Variants in FAT3 observed in about 807,000 individuals in gnomAD.
FAT3 encodes the protein FAT atypical cadherin 3, also known as protocadherin Fat 3.
Under a neutral mutation model 310.2 loss-of-function variants are expected in FAT3, and 95 were observed. The ratio of observed to expected loss-of-function variants is 0.31; its 90% CI spans 0.26 to 0.36. The LOEUF (loss-of-function observed/expected upper bound fraction) is 0.36, where lower values mean the gene tolerates loss of function less well. Among genes scored for constraint, FAT3 ranks in the 10% least tolerant of loss-of-function variants. The pLI, the probability that FAT3 is intolerant of heterozygous loss-of-function variation, is 1.00. For missense variants in FAT3, 5,408 were observed against 5,715.6 expected (o/e 0.95, Z 1.74); for synonymous variants, 2,314 against 2,192.9 (o/e 1.06, Z -1.54).
At chr11:92,698,898 G>A (rs77303726) in intron 4 of FAT3, among the ~76,000 whole-genome samples, 5,607 of 152,252 alleles carry the variant, frequency 0.037, 239 homozygotes, top group East Asian at 0.21. Flanking sequence ...CAGGAAGGGT[G>A]TCTCATTATC....
intron 1 of FAT3, among the ~76,000 whole-genome samples, chr11:92,344,110 A>G (rs1457580791): frequency 6.6e-6 from 1 of 152,190 alleles, no homozygotes; most frequent in African/African-American, 2.4e-5. Flanking sequence ...ACTATGCACC[A>G]TGGAACTTCA....
intron 1 of FAT3, among the ~76,000 whole-genome samples, chr11:92,235,323 C>T (rs748612598): frequency 6.6e-6 from 1 of 152,134 alleles, no homozygotes; most frequent in Non-Finnish European, 1.5e-5. Context: ...AGCTCCATGC[C>T]GTCCTGAAGG....
In FAT3 at chr11:92,882,890, C is replaced by G. The variant is rs2136410224; in HGVS notation, c.12434C>G (p.Ala4145Gly). 6.2e-7 allele frequency: 1 copy of G among 1,612,600 alleles called. No homozygotes were observed. Among genetic ancestry groups the G allele is most frequent in the South Asian group, 1.1e-5 (1 of 90,650 alleles). Residue 4145 changes from alanine (A) to glycine (G), a missense_variant, in exon 24 of 28, where the codon GCT (alanine) becomes GGT (glycine). Physicochemically the swap from Ala to Gly is moderately conservative, Grantham distance 60. This residue lies in a region of FAT3 where 649 missense variants were observed against 666.2 expected (regional missense o/e 0.97). Coordinates refer to ENST00000525166, the MANE Select transcript of FAT3 (RefSeq NM_001367949.2). ...LRPVVVPNIQ[A>G]GHSYVGKEEL... Reference sequence around the variant, plus strand: ...CCCGTGGTGGTACCCAATATCCAGGCTGGCCACTCCTACGTGGGGAAGGAG... The same window carrying G: ...CCCGTGGTGGTACCCAATATCCAGGGTGGCCACTCCTACGTGGGGAAGGAG...
chr11:92,357,305 CAT>C (rs1948759456), intron 2 of FAT3, among the ~76,000 whole-genome samples: 1 of 152,166 alleles, frequency 6.6e-6, no homozygotes, highest in African/African-American at 2.4e-5. Context: ...TCAGAGAAGA[CAT>C]AGAATGTGGA....
At chr11:92,732,733 A>T (rs148574474) in intron 4 of FAT3, among the ~76,000 whole-genome samples, 167 of 152,364 alleles carry the variant, frequency 1.1e-3, no homozygotes, top group Middle Eastern at 3.4e-3. Context: ...AAGAAATAAC[A>T]TGTTAATTAT....
chr11:92,702,573 A>G lies in FAT3; in HGVS notation c.3669+5128A>G, dbSNP rs987126322. On this transcript the variant is annotated intron_variant, in intron 4 of 27. Transcript: ENST00000525166. ...ATTGCTTGCCCTTTCCCTCTTTTCC[A>G]TCTACTTCCTCCTCCCCTTGTCCTC... 3.9e-5 allele frequency among the ~76,000 whole-genome samples: 6 copies of G among 152,096 alleles called. No individual in the cohort carries two copies. The South Asian group carries it at 6.2e-4, about 16-fold the overall frequency.
intron 3 of FAT3, among the ~76,000 whole-genome samples, chr11:92,595,084 C>T (rs1939636997): frequency 6.6e-6 from 1 of 151,578 alleles, no homozygotes; most frequent in Non-Finnish European, 1.5e-5. Context: ...CCACACAAAC[C>T]ATGTGCATGC....
At chr11:92,427,158 C>T (rs1209142157) in intron 2 of FAT3, among the ~76,000 whole-genome samples, 2 of 152,094 alleles carry the variant, frequency 1.3e-5, no homozygotes, top group African/African-American at 2.4e-5. Flanking sequence ...GGAGTTCACT[C>T]ATGATTTGGC....
At chr11:92,653,896 C>T (rs934797697) in intron 3 of FAT3, among the ~76,000 whole-genome samples, 4 of 152,326 alleles carry the variant, frequency 2.6e-5, no homozygotes, top group Non-Finnish European at 5.9e-5. Flanking sequence ...CATTTCTACA[C>T]ACATTACCTG....
chr11:92,632,516 G>A (rs1454458027), intron 3 of FAT3, among the ~76,000 whole-genome samples: 2 of 152,204 alleles, frequency 1.3e-5, no homozygotes, highest in Non-Finnish European at 2.9e-5. Context: ...AAAAGCATTT[G>A]TTGAACTCGA....
At chr11:92,458,909 G>A (rs569602432) in intron 2 of FAT3, among the ~76,000 whole-genome samples, 1 of 152,268 alleles carries the variant, frequency 6.6e-6, no homozygotes, top group African/African-American at 2.4e-5. Context: ...CATTGTACAT[G>A]CCTTCCAGGG....
At chr11:92,735,800 T>C (rs1191246038) in intron 4 of FAT3, among the ~76,000 whole-genome samples, 2 of 151,862 alleles carry the variant, frequency 1.3e-5, no homozygotes, top group Admixed American at 6.6e-5. Context: ...TATGTTTGTA[T>C]ATCCAGTGCT....
At chr11:92,606,419 G>T (rs778197602) in intron 3 of FAT3, among the ~76,000 whole-genome samples, 2 of 152,120 alleles carry the variant, frequency 1.3e-5, no homozygotes, top group Non-Finnish European at 2.9e-5. Flanking sequence ...TAGGGAGCTG[G>T]CACCCTTTAG....
At chr11:92,708,069 T>C (rs1944411111) in intron 4 of FAT3, among the ~76,000 whole-genome samples, 1 of 152,242 alleles carries the variant, frequency 6.6e-6, no homozygotes, top group Non-Finnish European at 1.5e-5. Context: ...GTGGCAATAC[T>C]GGTTTACTGA....
intron 3 of FAT3, among the ~76,000 whole-genome samples, chr11:92,574,555 A>C (rs935646865): frequency 6.6e-6 from 1 of 152,154 alleles, no homozygotes; most frequent in Non-Finnish European, 1.5e-5. Flanking sequence ...ACCAGTCCCC[A>C]TAACAGGGGG....
chr11:92,613,936 G>A (rs910419711), intron 3 of FAT3, among the ~76,000 whole-genome samples: 2 of 151,984 alleles, frequency 1.3e-5, no homozygotes, highest in African/African-American at 4.8e-5. Flanking sequence ...GCAACCATAT[G>A]TCTATTTTCT....
chr11:92,797,681 G>A (rs1947211144), intron 9 of FAT3, among the ~76,000 whole-genome samples, 155 bp from the exon 10 acceptor site: 1 of 152,168 alleles, frequency 6.6e-6, no homozygotes, highest in Admixed American at 6.5e-5. Flanking sequence ...CCCTGAAAGA[G>A]AAGCCTCTCA....
chr11:92,790,195 G>T lies in FAT3; in HGVS notation c.4588G>T (p.Asp1530Tyr), dbSNP rs754301436. 3 of 1,613,610 alleles carry T rather than the reference G, an allele frequency of 1.9e-6. No homozygotes were observed. The South Asian group carries it at 3.3e-5, about 18-fold the overall frequency. The change falls in exon 8 of 28, where the codon GAC (aspartate) becomes TAC (tyrosine). Residue 1530 changes from aspartate to tyrosine, a missense_variant. Asp to Tyr is a radical substitution (Grantham distance 160, BLOSUM62 -3). Around this residue, in one of 5 missense-constraint regions of FAT3, gnomAD observed 4,588 missense variants for 4,809.8 expected, o/e 0.95. Transcript: ENST00000525166. ...TAERLDHEAQDKHILNIMVRD... is the reference protein window; with the variant it reads ...TAERLDHEAQYKHILNIMVRD... ...CGAGAGGCTGGACCATGAGGCCCAG[G>T]ACAAGCACATTCTCAACATAATGGT... is the stretch of plus-strand genomic sequence containing the variant.
At chr11:92,837,206 G>T (rs1334292657) in intron 16 of FAT3, among the ~76,000 whole-genome samples, 1 of 152,210 alleles carries the variant, frequency 6.6e-6, no homozygotes, top group East Asian at 1.9e-4. Flanking sequence ...ACATGGCAAT[G>T]ATGCTAAAAA....
Sources: allele counts gnomAD v4.1 joint callset (sites outside exome capture counted in the v4.1 genomes callset), GRCh38; gene constraint gnomAD v4.1.1; regional missense constraint gnomAD v4.1.1; transcripts MANE v1.5; gene names NCBI Gene and HGNC (gene_info 2026-07-23, HGNC 2026-07-21).